Variants in LRRIQ1 observed in about 807,000 individuals in gnomAD.
LRRIQ1 encodes leucine-rich repeat- and IQ domain-containing protein 1.
In LRRIQ1, 210 loss-of-function variants were observed where a neutral mutation model predicts 211.9. That is an observed-to-expected ratio of 0.99 (90% CI 0.89 to 1.11). The LOEUF is 1.11. LRRIQ1 is among the 50% of genes most tolerant of loss of function. The pLI is 0.00. For synonymous variants in LRRIQ1, 699 were observed against 650.1 expected (o/e 1.08, Z -1.14); for missense variants, 2,136 against 1,939.5 (o/e 1.10, Z -1.90).
At chr12:85,192,863 A>G (rs1340132350) in intron 24 of LRRIQ1, among the ~76,000 whole-genome samples, 4 of 102,080 alleles carry the variant, frequency 3.9e-5, no homozygotes, top group Non-Finnish European at 5.1e-5. Flanking sequence ...ATATATAGTT[A>G]TATATTATAA....
chr12:85,060,723 C>T (rs181121420), intron 8 of LRRIQ1, among the ~76,000 whole-genome samples: 3 of 151,644 alleles, frequency 2.0e-5, no homozygotes, highest in Admixed American at 6.6e-5. Context: ...GAGATTGGAC[C>T]ACTGAATAAA....
At chr12:85,201,753 C>T (rs560881735) in intron 24 of LRRIQ1, among the ~76,000 whole-genome samples, 2 of 151,874 alleles carry the variant, frequency 1.3e-5, no homozygotes, top group Non-Finnish European at 2.9e-5. Context: ...ATTTATCAAT[C>T]GTTTGTATGT....
At chr12:85,084,285 A>G (rs978629231) in intron 11 of LRRIQ1, among the ~76,000 whole-genome samples, 24 of 152,186 alleles carry the variant, frequency 1.6e-4, no homozygotes, top group African/African-American at 5.8e-4. Flanking sequence ...GTAAACACTA[A>G]ACAAAATGTG....
At chr12:85,235,690 G>C (rs1027710646) in intron 26 of LRRIQ1, among the ~76,000 whole-genome samples, 1 of 152,112 alleles carries the variant, frequency 6.6e-6, no homozygotes, top group Non-Finnish European at 1.5e-5. Context: ...GATCTAGGTA[G>C]GGTATGATAA....
At chr12:85,175,937 T>C (rs1340101176) in intron 24 of LRRIQ1, among the ~76,000 whole-genome samples, 1 of 152,098 alleles carries the variant, frequency 6.6e-6, no homozygotes, top group African/African-American at 2.4e-5. Flanking sequence ...AGTCAGGTAG[T>C]GTGATGCCTC....
chr12:85,133,146 T>A (rs527366798), intron 18 of LRRIQ1, among the ~76,000 whole-genome samples: 11 of 152,328 alleles, frequency 7.2e-5, no homozygotes, highest in African/African-American at 2.6e-4. Flanking sequence ...GATAATCACA[T>A]GCTTATCATT....
chr12:85,227,242 G>A (rs1404829555), intron 24 of LRRIQ1, among the ~76,000 whole-genome samples: 1 of 152,110 alleles, frequency 6.6e-6, no homozygotes, highest in Non-Finnish European at 1.5e-5. Flanking sequence ...TCTAACTGGT[G>A]TGAGATGGTA....
At chr12:85,134,269 A>C (rs1463006925) in intron 18 of LRRIQ1, among the ~76,000 whole-genome samples, 2 of 152,112 alleles carry the variant, frequency 1.3e-5, no homozygotes, top group Non-Finnish European at 2.9e-5. Context: ...CATATATTCA[A>C]ATGTTAAATA....
rs1565854043 is a variant in LRRIQ1 at position 85,127,859 on chromosome 12, C to A, written c.4035C>A (p.Tyr1345Ter). The change falls in exon 18 of 27, where the codon TAC becomes TAA. Residue 1345 changes from tyrosine (Y) to a stop codon, truncating the protein, a stop_gained. Coordinates refer to ENST00000393217, the MANE Select transcript of LRRIQ1 (RefSeq NM_001079910.2). LOFTEE classifies it high-confidence loss of function. ...KIMAAVVIQS[Y>*]WRGYLMRRQT... ...TGGCAGCTGTGGTAATCCAGTCATA[C>A]TGGCGTGGTTACCTCATGCGCAGAC... is the stretch of plus-strand genomic sequence containing the variant. 6.2e-7 allele frequency: 1 copy of A among 1,613,854 alleles called. No homozygotes were observed. Among genetic ancestry groups the A allele is most frequent in the Non-Finnish European group, 8.5e-7 (1 of 1,179,952 alleles).
chr12:85,108,077 C>T (rs1052603526), intron 15 of LRRIQ1, among the ~76,000 whole-genome samples: 1 of 151,972 alleles, frequency 6.6e-6, no homozygotes, highest in Non-Finnish European at 1.5e-5. Flanking sequence ...TCATTGCATG[C>T]CTGGTCAGTA....
intron 15 of LRRIQ1, among the ~76,000 whole-genome samples, chr12:85,118,710 T>A (rs191744804): frequency 6.6e-6 from 1 of 152,216 alleles, no homozygotes; most frequent in East Asian, 1.9e-4. Context: ...TCATAACTGT[T>A]TGTATAAATG....
chr12:85,203,091 A>G (rs1893380997), intron 24 of LRRIQ1, among the ~76,000 whole-genome samples: 1 of 152,194 alleles, frequency 6.6e-6, no homozygotes, highest in Non-Finnish European at 1.5e-5. Context: ...TAATTGTATC[A>G]TAGTGGCAGC....
At chr12:85,197,021 A>G (rs1174489919) in intron 24 of LRRIQ1, among the ~76,000 whole-genome samples, 1 of 151,072 alleles carries the variant, frequency 6.6e-6, no homozygotes, top group Non-Finnish European at 1.5e-5. Context: ...GGCGAAGGAC[A>G]TGAACAGACA....
rs1265679480 is a variant in LRRIQ1, at chr12:85,179,149, CTGTT to C, written c.4822+18438_4822+18441del. Among the ~76,000 whole-genome samples, 9 of 152,006 alleles carry C rather than the reference CTGTT, an allele frequency of 5.9e-5. No individual in the cohort carries two copies. The East Asian group carries it at 1.7e-3, about 29-fold the overall frequency. ...ATATTATATTCATTCTAATCAGAAT[CTGTT>C]TGATTATTTTTATTTCCTGTGTCTG... On this transcript the variant is annotated intron_variant, in intron 24 of 26. Coordinates refer to ENST00000393217, the MANE Select transcript of LRRIQ1 (RefSeq NM_001079910.2).
At chr12:85,063,773 A>C (rs1423117192) in intron 8 of LRRIQ1, among the ~76,000 whole-genome samples, 3 of 151,744 alleles carry the variant, frequency 2.0e-5, no homozygotes, top group Non-Finnish European at 2.9e-5. Flanking sequence ...AGTTCCCACA[A>C]ATAAGCGAGG....
At chr12:85,201,620 G>C (rs545377500) in intron 24 of LRRIQ1, among the ~76,000 whole-genome samples, 2 of 151,918 alleles carry the variant, frequency 1.3e-5, no homozygotes, top group South Asian at 2.1e-4. Flanking sequence ...ATTTCTCTAG[G>C]GTCAGTGGTA....
At chr12:85,042,651 T>C (rs1879036837) in intron 3 of LRRIQ1, among the ~76,000 whole-genome samples, 2 of 151,032 alleles carry the variant, frequency 1.3e-5, no homozygotes, top group South Asian at 4.2e-4. Flanking sequence ...ACATTATTTG[T>C]TACACGGGAT....
Position 85,065,381 on chromosome 12 carries a change from T to TA in LRRIQ1, c.2513dup (p.Asn838LysfsTer3). 6.2e-7 allele frequency: 1 copy of TA among 1,610,006 alleles called. No individual in the cohort carries two copies. On this transcript the variant is annotated frameshift_variant, in exon 9 of 27. Coordinates refer to ENST00000393217, the MANE Select transcript of LRRIQ1 (RefSeq NM_001079910.2). LOFTEE classifies it high-confidence loss of function. ...GATTAACTTCTTTGCACAGCCTGAGTAATTGTAAAAAACTTAAGTACATTG... is the reference window on the plus strand; with the variant it reads ...GATTAACTTCTTTGCACAGCCTGAGTAAATTGTAAAAAACTTAAGTACATTG...
intron 23 of LRRIQ1, among the ~76,000 whole-genome samples, chr12:85,159,172 T>C (rs1890723246): frequency 6.6e-6 from 1 of 152,016 alleles, no homozygotes; most frequent in African/African-American, 2.4e-5. Flanking sequence ...TATTAAATTA[T>C]TTGACCTTGA....
Sources: gnomAD v4.1 joint callset for allele counts (sites outside exome capture counted in the v4.1 genomes callset) on GRCh38, gnomAD v4.1.1 for gene constraint, MANE v1.5 for transcripts, NCBI Gene and HGNC (gene_info 2026-07-23, HGNC 2026-07-21) for gene names.